EML5: variants seen among roughly 807,000 people sequenced by gnomAD.
The protein encoded by EML5 is echinoderm microtubule-associated protein-like 5.
A neutral mutation model predicts 250.0 loss-of-function variants in EML5; 120 were observed. That is an observed-to-expected ratio of 0.48 (90% CI 0.41 to 0.56). The LOEUF (loss-of-function observed/expected upper bound fraction) is 0.56, where lower values mean the gene tolerates loss of function less well. Among genes scored for constraint, EML5 ranks in the 20% least tolerant of loss-of-function variants. EML5 has a pLI of 0.00. For missense variants in EML5, 2,006 were observed against 2,437.6 expected (o/e 0.82, Z 3.73); for synonymous variants, 771 against 806.5 (o/e 0.96, Z 0.75).
chr14:88,760,415 CTA>C (rs1174448259), intron 1 of EML5, among the ~76,000 whole-genome samples: 3 of 152,214 alleles, frequency 2.0e-5, no homozygotes, highest in East Asian at 1.9e-4. Context: ...ATTGAAAAGA[CTA>C]TCTTTTCTCC....
At chr14:88,736,717 C>T (rs551231816) in intron 6 of EML5, among the ~76,000 whole-genome samples, 152 bp from the exon 7 acceptor site, 1 of 152,328 alleles carries the variant, frequency 6.6e-6, no homozygotes, top group South Asian at 2.1e-4. Flanking sequence ...AGCTACAAGT[C>T]TCAGATAAAT....
intron 9 of EML5, among the ~76,000 whole-genome samples, chr14:88,712,711 T>C (rs1286274465): frequency 1.3e-5 from 2 of 152,180 alleles, no homozygotes. Flanking sequence ...AGACACACAT[T>C]GCCTTGAATG....
chr14:88,661,567 T>A (rs2140944722), intron 25 of EML5, 87 bp downstream of exon 25: 1 of 1,182,854 alleles, frequency 8.5e-7, no homozygotes. Context: ...ATATGTACAA[T>A]TAATAACAAT....
Position 88,615,828 on chromosome 14 carries a change from G to T in EML5, c.5924C>A (p.Thr1975Lys), listed in dbSNP as rs759729873. 1 of 1,611,886 alleles carries T rather than the reference G, an allele frequency of 6.2e-7. No homozygotes were observed. Among genetic ancestry groups the T allele is most frequent in the Admixed American group, 1.7e-5 (1 of 59,814 alleles). The change falls in exon 44 of 44, where the codon ACA becomes AAA. Residue 1975 changes from threonine to lysine, a missense_variant. By Grantham distance (78) the Thr-to-Lys change is moderately conservative. Around this residue, in one of 7 missense-constraint regions of EML5, gnomAD observed 56 missense variants for 55.1 expected, o/e 1.02. Coordinates refer to ENST00000554922, the MANE Select transcript of EML5 (RefSeq NM_183387.3). Reference protein sequence around the residue: ...CSLFVWKCVHTPH With the variant: ...CSLFVWKCVHKPH ...TCATCTCAGCATCTCTCAGTGAGGT[G>T]TATGTACACATTTCCAGACAAATAA...
chr14:88,639,744 A>G (rs1274937664), intron 31 of EML5, among the ~76,000 whole-genome samples: 2 of 151,778 alleles, frequency 1.3e-5, no homozygotes, highest in Non-Finnish European at 2.9e-5. Flanking sequence ...GCCCAGCTAT[A>G]TATTTTTTGT....
chr14:88,753,298 A>T (rs2094121812), intron 2 of EML5, among the ~76,000 whole-genome samples: 2 of 152,166 alleles, frequency 1.3e-5, no homozygotes, highest in Admixed American at 1.3e-4. Context: ...CAAGTCCTGC[A>T]AAGGGGTCAA....
Position 88,685,120 on chromosome 14 carries a change from T to C in EML5, c.2877A>G (p.Pro959=). The part of the protein sequence containing the change: ...GSKGLLLEDN[P]SIRAISLGHG... ...GTCCTAATGATATGGCACGTATAGATGGATTATCTTCCAAGAGAAGACCTG... is the reference window on the plus strand; with the variant it reads ...GTCCTAATGATATGGCACGTATAGACGGATTATCTTCCAAGAGAAGACCTG... Residue 959 remains proline (P), a synonymous_variant, in exon 20 of 44, where the codon CCA becomes CCG. Transcript: ENST00000554922. 3 of 1,598,518 alleles carry C rather than the reference T, an allele frequency of 1.9e-6. No individual in the cohort carries two copies. The highest frequency in any genetic ancestry group is 1.1e-5 in the South Asian group (1 of 87,572).
chr14:88,708,293 G>C (rs2093350922), intron 10 of EML5, among the ~76,000 whole-genome samples: 1 of 151,998 alleles, frequency 6.6e-6, no homozygotes, highest in Non-Finnish European at 1.5e-5. Context: ...GACTCACCAA[G>C]ACCAAGTTAC....
At chr14:88,717,667 A>G (rs951964478) in intron 8 of EML5, among the ~76,000 whole-genome samples, 5 of 152,172 alleles carry the variant, frequency 3.3e-5, no homozygotes, top group Non-Finnish European at 7.4e-5. Context: ...AGGCAGGAAA[A>G]TCACTTGAAC....
chr14:88,652,376 A>G (rs971399547), intron 27 of EML5, among the ~76,000 whole-genome samples: 1 of 152,028 alleles, frequency 6.6e-6, no homozygotes, highest in South Asian at 2.1e-4. Flanking sequence ...GTCAATTTAC[A>G]AGATCTCTCA....
intron 27 of EML5, among the ~76,000 whole-genome samples, chr14:88,655,422 G>T (rs559562406): frequency 2.0e-5 from 3 of 151,994 alleles, no homozygotes; most frequent in Admixed American, 6.6e-5. Context: ...CTAGCTACCC[G>T]TATGTAGAAA....
At chr14:88,617,009 G>T in intron 41 of EML5, 130 bp from the exon 42 acceptor site, 2 of 804,944 alleles carry the variant, frequency 2.5e-6, no homozygotes, top group South Asian at 2.7e-5. Context: ...GTAAATTATG[G>T]TAAGTTGTTT....
chr14:88,696,367 G>A (rs544746788), intron 15 of EML5, among the ~76,000 whole-genome samples: 2 of 151,892 alleles, frequency 1.3e-5, no homozygotes, highest in Non-Finnish European at 2.9e-5. Flanking sequence ...ACAGAAAAGC[G>A]CTAATATGAT....
chr14:88,718,475 G>C (rs1289972197), intron 8 of EML5, among the ~76,000 whole-genome samples: 1 of 152,140 alleles, frequency 6.6e-6, no homozygotes, highest in Non-Finnish European at 1.5e-5. Flanking sequence ...AAAACAGAAA[G>C]AGAAGAAACA....
chr14:88,747,449 C>T (rs1355420234), intron 2 of EML5, among the ~76,000 whole-genome samples: 1 of 151,466 alleles, frequency 6.6e-6, no homozygotes, highest in Admixed American at 6.6e-5. Flanking sequence ...ATAAACAAAC[C>T]ACCCCACCCA....
In EML5 at chr14:88,738,921, T is replaced by G. The variant is rs17188228; in HGVS notation, c.805A>C (p.Ile269Leu). ...GTTTCCCTGAGATCAATCACAGTAATTGGTTTAAAAGTTAAATCCCAAAGA... is the reference window on the plus strand; with the variant it reads ...GTTTCCCTGAGATCAATCACAGTAAGTGGTTTAAAAGTTAAATCCCAAAGA... ...IRLWDLTFKPITVIDLRETDQ... is the reference protein window; with the variant it reads ...IRLWDLTFKPLTVIDLRETDQ... Residue 269 changes from isoleucine (I) to leucine (L), a missense_variant, in exon 6 of 44, where the codon ATT (isoleucine) becomes CTT (leucine). Physicochemically the swap from Ile to Leu is conservative, Grantham distance 5 (BLOSUM62 2). This residue lies in a region of EML5 where 1,375 missense variants were observed against 1,590.3 expected (regional missense o/e 0.86). Transcript: ENST00000554922. 1.9e-6 allele frequency: 3 copies of G among 1,590,966 alleles called. No homozygotes were observed. Among genetic ancestry groups the G allele is most frequent in the Non-Finnish European group, 2.6e-6 (3 of 1,167,902 alleles).
chr14:88,702,394 A>T, intron 14 of EML5, 52 bp downstream of exon 14: 6 of 1,399,820 alleles, frequency 4.3e-6, no homozygotes, highest in Non-Finnish European at 5.8e-6. Context: ...ATTTATTTAA[A>T]CTCAAACAAA....
At position 88,685,022 on chromosome 14, in the gene EML5, A is replaced by C; in HGVS notation, c.2975T>G (p.Leu992Arg). ...ATTAGCATTTAAAATTACCTGAACC[A>C]GAAGTGTTATTGGGCCACTTTTATC... is the stretch of plus-strand genomic sequence containing the variant. ...EVDKSGPITL[L>R]VQGHMEGEVW... Residue 992 changes from leucine (L) to arginine (R), a missense_variant, in exon 20 of 44, where the codon CTG becomes CGG. Transcript: ENST00000554922. 1 of 1,601,112 alleles carries C rather than the reference A, an allele frequency of 6.2e-7. No individual in the cohort carries two copies.
At chr14:88,787,964 T>A (rs978479670) in intron 1 of EML5, among the ~76,000 whole-genome samples, 1 of 152,156 alleles carries the variant, frequency 6.6e-6, no homozygotes, top group African/African-American at 2.4e-5. Context: ...AGGCACTTTT[T>A]AAAAAATAGA....
Sources: allele counts gnomAD v4.1 joint callset (sites outside exome capture counted in the v4.1 genomes callset), GRCh38; gene constraint gnomAD v4.1.1; regional missense constraint gnomAD v4.1.1; transcripts MANE v1.5; gene names NCBI Gene and HGNC (gene_info 2026-07-23, HGNC 2026-07-21).